CRACD: variants seen among roughly 807,000 people sequenced by gnomAD.
CRACD encodes the protein capping protein inhibiting regulator of actin dynamics.
Under a neutral mutation model 106.8 loss-of-function variants are expected in CRACD, and 56 were observed. The ratio of observed to expected loss-of-function variants is 0.52; its 90% confidence interval spans 0.42 to 0.66. The LOEUF (loss-of-function observed/expected upper bound fraction) is 0.66. CRACD is among the 30% of genes least tolerant of loss of function. The probability of loss-of-function intolerance (pLI) is 0.00; values close to 1 mark genes in which losing one functional copy is unlikely to be tolerated. For missense variants in CRACD, 1,730 were observed against 1,623.2 expected (o/e 1.07, Z -1.13); for synonymous variants, 754 against 670.8 (o/e 1.12, Z -1.92).
intron 6 of CRACD, 54 bp downstream of exon 6, chr4:56,310,788 T>TCC: frequency 2.0e-6 from 2 of 1,014,602 alleles, no homozygotes; most frequent in Non-Finnish European, 2.9e-6. Context: ...AACTTTCATC[T>TCC]TCCCCCCCCC....
intron 5 of CRACD, among the ~76,000 whole-genome samples, chr4:56,310,079 G>A (rs1745036929): frequency 6.6e-6 from 1 of 151,542 alleles, no homozygotes; most frequent in Non-Finnish European, 1.5e-5. Context: ...CCATATGAAA[G>A]GTACAAATGA....
In CRACD at chr4:56,298,411, G is replaced by A. The variant is rs376241108; in HGVS notation, c.120+62G>A. The A allele has an allele frequency of 1.8e-5, 29 of 1,593,848 alleles. No homozygotes were observed. The African/African-American group carries it at 3.8e-4, about 21-fold the overall frequency. The stretch of plus-strand genomic sequence containing the variant: ...AGGGGCCCAGTTATGAAGGGAAGTG[G>A]GAAAAGTCCCGAGCTTGGCCTTGAG... On this transcript the variant is annotated intron_variant, in intron 4 of 10. Transcript: ENST00000682029.
intron 1 of CRACD, among the ~76,000 whole-genome samples, chr4:56,172,035 T>TTTTTTTTTTTTTCA (rs1736391238): frequency 6.8e-6 from 1 of 146,996 alleles, no homozygotes; most frequent in Admixed American, 6.8e-5. Flanking sequence ...TTTTTTTTTT[T>TTTTTTTTTTTTTCA]CAACTTTACA....
At chr4:56,171,258 G>C (rs1280289657) in intron 1 of CRACD, among the ~76,000 whole-genome samples, 1 of 146,826 alleles carries the variant, frequency 6.8e-6, no homozygotes, top group South Asian at 2.1e-4. Flanking sequence ...AGAACTTAAA[G>C]TATAATAAAA....
intron 1 of CRACD, among the ~76,000 whole-genome samples, chr4:56,160,361 T>A (rs1735910854): frequency 6.6e-6 from 1 of 151,924 alleles, no homozygotes; most frequent in South Asian, 2.1e-4. Context: ...TTTTGTATAT[T>A]TTTGTAGAGA....
At chr4:56,214,681 C>CTCTCTCTCTCTCTCTATATA in intron 2 of CRACD, among the ~76,000 whole-genome samples, 18 of 80,998 alleles carry the variant, frequency 2.2e-4, no homozygotes, top group African/African-American at 7.2e-4. Context: ...CTCTCTCTCT[C>CTCTCTCTCTCTCTCTATATA]TATATATATA....
intron 3 of CRACD, among the ~76,000 whole-genome samples, chr4:56,292,261 T>C (rs1401686762): frequency 6.6e-6 from 1 of 152,204 alleles, no homozygotes; most frequent in Non-Finnish European, 1.5e-5. Flanking sequence ...ATTTAAGATG[T>C]GGCCTGGCTG....
intron 1 of CRACD, among the ~76,000 whole-genome samples, chr4:56,132,899 T>C (rs1444282968): frequency 6.6e-6 from 1 of 152,210 alleles, no homozygotes; most frequent in African/African-American, 2.4e-5. Flanking sequence ...TAAAAATATA[T>C]CATATAGTGC....
chr4:56,102,155 A>G (rs574999659), intron 1 of CRACD, among the ~76,000 whole-genome samples: 9 of 152,258 alleles, frequency 5.9e-5, no homozygotes, highest in African/African-American at 1.9e-4. Flanking sequence ...GATACTGCCA[A>G]ATTATTCTGC....
intron 1 of CRACD, among the ~76,000 whole-genome samples, chr4:56,103,861 A>G (rs1364672266): frequency 6.6e-6 from 1 of 152,128 alleles, no homozygotes; most frequent in Non-Finnish European, 1.5e-5. Context: ...GCTCACTGCA[A>G]TCTCCGCCTC....
At chr4:56,080,209 C>A (rs1216131062) in intron 1 of CRACD, among the ~76,000 whole-genome samples, 8 of 151,892 alleles carry the variant, frequency 5.3e-5, no homozygotes, top group African/African-American at 1.7e-4. Context: ...AATAAATAAT[C>A]TTTTTTAAAA....
chr4:56,157,087 T>C (rs866375734), intron 1 of CRACD, among the ~76,000 whole-genome samples: 2 of 152,358 alleles, frequency 1.3e-5, no homozygotes, highest in East Asian at 1.9e-4. Flanking sequence ...ATATAATGAA[T>C]GCTTTTATTA....
intron 2 of CRACD, among the ~76,000 whole-genome samples, chr4:56,204,824 T>G (rs1039646916): frequency 1.8e-4 from 28 of 152,114 alleles, no homozygotes; most frequent in Non-Finnish European, 2.9e-4. Context: ...AGAAGTAAAG[T>G]CAGGTCTTGA....
intron 1 of CRACD, among the ~76,000 whole-genome samples, chr4:56,119,717 G>T (rs1202583154): frequency 6.6e-6 from 1 of 152,076 alleles, no homozygotes; most frequent in African/African-American, 2.4e-5. Context: ...CTTCTGGAAA[G>T]ATATCCACAA....
At chr4:56,188,554 G>T (rs758801017) in intron 2 of CRACD, among the ~76,000 whole-genome samples, 1 of 151,098 alleles carries the variant, frequency 6.6e-6, no homozygotes, top group Non-Finnish European at 1.5e-5. Flanking sequence ...GATACCTCCC[G>T]TTCCTGGAAA....
Position 56,315,719 on chromosome 4 carries a change from C to G in CRACD, c.2217C>G (p.Ser739Arg). The change falls in exon 8 of 11, where the codon AGC becomes AGG. Residue 739 changes from serine (S) to arginine (R), a missense_variant. By Grantham distance (110) the Ser-to-Arg change is moderately radical. This residue lies in a region of CRACD where 1,620 missense variants were observed against 1,481.6 expected (regional missense o/e 1.09). Transcript: ENST00000682029. The surrounding 1 kb of genome is among the most constrained non-coding windows in gnomAD (Gnocchi z 4.1). ...SDGGTETSKQSTEAESIRKRP... is the reference protein window; with the variant it reads ...SDGGTETSKQRTEAESIRKRP... ...GTGGCACGGAGACCTCCAAACAGAG[C>G]ACGGAAGCTGAAAGCATACGAAAAA... is the stretch of plus-strand genomic sequence containing the variant. The G allele has an allele frequency of 6.2e-7, 1 of 1,614,208 alleles. No individual in the cohort carries two copies.
chr4:56,145,737 C>G (rs142301453), intron 1 of CRACD, among the ~76,000 whole-genome samples: 121 of 152,142 alleles, frequency 8.0e-4, no homozygotes, highest in African/African-American at 2.7e-3. Flanking sequence ...TCACTCAGCC[C>G]CCCAAAGTAG....
chr4:56,241,786 G>T (rs6554338), intron 2 of CRACD, among the ~76,000 whole-genome samples: 130,326 of 152,036 alleles, frequency 0.86, 56,509 homozygotes, highest in Admixed American at 0.92. Flanking sequence ...CAAGGAAGGC[G>T]CCTTGTAGGA....
intron 1 of CRACD, among the ~76,000 whole-genome samples, chr4:56,169,552 C>T (rs1024273428): frequency 4.6e-5 from 7 of 152,112 alleles, no homozygotes; most frequent in Non-Finnish European, 1.0e-4. Flanking sequence ...GGCTGGAGTG[C>T]AGTGGTGCTA....
Sources: allele counts gnomAD v4.1 joint callset (sites outside exome capture counted in the v4.1 genomes callset), GRCh38; gene constraint gnomAD v4.1.1; regional missense constraint gnomAD v4.1.1; non-coding constraint Gnocchi (gnomAD v3.1); transcripts MANE v1.5; gene names NCBI Gene and HGNC (gene_info 2026-07-23, HGNC 2026-07-21).